The following PCDHA10 variants were observed in gnomAD, a reference collection of about 807,000 sequenced individuals.
The protein encoded by PCDHA10 is protocadherin alpha-10.
PCDHA10 carries 45 observed loss-of-function variants against 61.2 expected under a neutral mutation model. That is an observed-to-expected ratio of 0.74 (90% CI 0.58 to 0.94). PCDHA10 has a LOEUF of 0.94. PCDHA10 is among the 40% of genes least tolerant of loss of function. PCDHA10 has a pLI of 0.00. For synonymous variants in PCDHA10, 602 were observed against 548.8 expected (o/e 1.10, Z -1.35); for missense variants, 1,278 against 1,236.2 (o/e 1.03, Z -0.51).
intron 1 of PCDHA10, among the ~76,000 whole-genome samples, chr5:140,915,885 G>A (rs1487160672): frequency 6.6e-6 from 1 of 152,204 alleles, no homozygotes; most frequent in Admixed American, 6.5e-5. Context: ...AGGGTAGCAA[G>A]TTCCCCCTGG....
At chr5:140,994,817 T>C (rs1362838008) in intron 3 of PCDHA10, among the ~76,000 whole-genome samples, 3 of 152,068 alleles carry the variant, frequency 2.0e-5, no homozygotes, top group African/African-American at 7.2e-5. Context: ...TACAAAAAAC[T>C]GAATTGTGTA....
intron 1 of PCDHA10, among the ~76,000 whole-genome samples, chr5:140,907,775 G>T (rs1217508105): frequency 4.6e-5 from 7 of 152,178 alleles, no homozygotes; most frequent in African/African-American, 1.7e-4. Flanking sequence ...TGATGACAGG[G>T]GTGGCTGGGG....
intron 1 of PCDHA10, chr5:140,968,207 A>C: frequency 6.2e-7 from 1 of 1,614,000 alleles, no homozygotes; most frequent in Non-Finnish European, 8.5e-7. Context: ...CATACAGGAG[A>C]ACAATTTGCC....
chr5:140,915,281 C>T (rs1554196839), intron 1 of PCDHA10, among the ~76,000 whole-genome samples: 2 of 152,090 alleles, frequency 1.3e-5, no homozygotes, highest in Non-Finnish European at 2.9e-5. Flanking sequence ...TCATCATTTA[C>T]TCTTTCTACT....
At chr5:140,944,028 A>T (rs1341498532) in intron 1 of PCDHA10, among the ~76,000 whole-genome samples, 1 of 152,222 alleles carries the variant, frequency 6.6e-6, no homozygotes, top group African/African-American at 2.4e-5. Context: ...TATCTTCAAA[A>T]TATGGAAAAC....
At chr5:140,927,015 G>C in intron 1 of PCDHA10, 1 of 1,612,466 alleles carries the variant, frequency 6.2e-7, no homozygotes, top group Non-Finnish European at 8.5e-7. Context: ...ATCTCTCCGC[G>C]GACTTGAGGC....
At chr5:140,946,374 CGGTT>C (rs1308149019) in intron 1 of PCDHA10, among the ~76,000 whole-genome samples, 6 of 151,656 alleles carry the variant, frequency 4.0e-5, no homozygotes, top group Non-Finnish European at 5.9e-5. Flanking sequence ...CTCTTGCACA[CGGTT>C]GGTAGGAATG....
chr5:140,944,470 A>G (rs1245262998), intron 1 of PCDHA10, among the ~76,000 whole-genome samples: 1 of 152,166 alleles, frequency 6.6e-6, no homozygotes, highest in East Asian at 1.9e-4. Flanking sequence ...TACAGGTATG[A>G]GGCACTGGAC....
At chr5:140,968,252 C>A (rs201156874) in intron 1 of PCDHA10, 7 of 1,613,948 alleles carry the variant, frequency 4.3e-6, no homozygotes, top group Non-Finnish European at 8.5e-7. Context: ...AGCCACAGAC[C>A]CAGATGAAAA....
At chr5:140,897,412 C>T (rs1304528785) in intron 1 of PCDHA10, among the ~76,000 whole-genome samples, 1 of 143,354 alleles carries the variant, frequency 7.0e-6, no homozygotes, top group Non-Finnish European at 1.5e-5. Context: ...TTGTTCAATT[C>T]CCATCTATGA....
chr5:140,861,489 T>A, intron 1 of PCDHA10: 1 of 487,812 alleles, frequency 2.0e-6, no homozygotes, highest in South Asian at 1.6e-5. Context: ...TTTTGTGAGT[T>A]CTCTGATAGA....
rs2045073152 is a variant in PCDHA10 at position 140,857,980 on chromosome 5, G to T, written c.1932G>T (p.Gln644His). ...TGGATGAGACTGACTCGCCACGCCA[G>T]CGCCTACTGGTGCTGGTGAAGGACC... ...RALDETDSPR[Q>H]RLLVLVKDHG... The change falls in exon 1 of 4, where the codon CAG (glutamine) becomes CAT (histidine). Residue 644 changes from glutamine (Q) to histidine (H), a missense_variant. Coordinates refer to ENST00000307360, the MANE Select transcript of PCDHA10 (RefSeq NM_018901.4). The T allele has an allele frequency of 1.3e-6, 2 of 1,597,100 alleles. 1 individual carries two copies. Among genetic ancestry groups the T allele is most frequent in the Non-Finnish European group, 1.7e-6 (2 of 1,167,294 alleles).
In PCDHA10 at chr5:140,855,997, T is replaced by C. The variant is rs1562502842; in HGVS notation, c.-52T>C. On this transcript the variant is annotated 5_prime_UTR_variant, in exon 1 of 4. An upstream start codon of the reference 5' UTR is lost. Coordinates refer to ENST00000307360, the MANE Select transcript of PCDHA10 (RefSeq NM_018901.4). ...ATAGGACAGAAAATGTCAGATCGTA[T>C]GTGCGTTCTAGACCGCTGATTCGTC... 1.3e-6 allele frequency: 2 copies of C among 1,505,732 alleles called. No homozygotes were observed. The highest frequency in any genetic ancestry group is 1.8e-6 in the Non-Finnish European group (2 of 1,117,040). 93.3% of individuals were successfully genotyped at this position (1,505,732 alleles called of 1,614,324 possible). A position where few individuals can be genotyped will look rare whatever the true frequency, so the allele number is the denominator to read the frequency against.
intron 1 of PCDHA10, among the ~76,000 whole-genome samples, chr5:140,874,903 C>T (rs543752012): frequency 1.3e-5 from 2 of 152,172 alleles, no homozygotes; most frequent in South Asian, 4.1e-4. Context: ...TAAAATCTTA[C>T]GATGGAGTGC....
chr5:140,966,651 C>A, intron 1 of PCDHA10: 1 of 1,159,980 alleles, frequency 8.6e-7, no homozygotes, highest in Non-Finnish European at 1.1e-6. Flanking sequence ...AGAGCGTGAG[C>A]GGTGGGGGAG....
At chr5:140,874,957 T>C (rs1330073461) in intron 1 of PCDHA10, among the ~76,000 whole-genome samples, 3 of 152,350 alleles carry the variant, frequency 2.0e-5, no homozygotes, top group African/African-American at 7.2e-5. Flanking sequence ...TTGTAAGCTA[T>C]ATAAGGGGAG....
chr5:140,891,044 CA>C (rs1406159323), intron 1 of PCDHA10, among the ~76,000 whole-genome samples: 9 of 152,030 alleles, frequency 5.9e-5, no homozygotes, highest in African/African-American at 2.2e-4. Flanking sequence ...GTGTGACCCC[CA>C]CAGCACATAG....
At chr5:140,920,841 T>TAAAAA (rs781921146) in intron 1 of PCDHA10, among the ~76,000 whole-genome samples, 2 of 109,230 alleles carry the variant, frequency 1.8e-5, no homozygotes, top group Non-Finnish European at 1.9e-5. Flanking sequence ...AGACCAAATC[T>TAAAAA]AAAAAAAAAA....
At chr5:140,998,696 C>G (rs1587806526) in intron 3 of PCDHA10, among the ~76,000 whole-genome samples, 1 of 152,182 alleles carries the variant, frequency 6.6e-6, no homozygotes, top group East Asian at 1.9e-4. Flanking sequence ...TCCCAAGTAG[C>G]TGGGATTACA....
Sources: gnomAD v4.1 joint callset for allele counts (sites outside exome capture counted in the v4.1 genomes callset) on GRCh38, gnomAD v4.1.1 for gene constraint, MANE v1.5 for transcripts, NCBI Gene and HGNC (gene_info 2026-07-23, HGNC 2026-07-21) for gene names.